The following ZBTB20 variants were observed in gnomAD, a reference collection of about 807,000 sequenced individuals.
ZBTB20 encodes zinc finger and BTB domain-containing protein 20.
A neutral mutation model predicts 56.9 loss-of-function variants in ZBTB20; 9 were observed. The ratio of observed to expected loss-of-function variants is 0.16; its 90% CI spans 0.10 to 0.28. ZBTB20 has a LOEUF of 0.28. ZBTB20 is among the 10% of genes least tolerant of loss of function. The pLI, the probability that ZBTB20 is intolerant of heterozygous loss-of-function variation, is 1.00. For missense variants in ZBTB20, 655 were observed against 1,003.0 expected, an observed-to-expected ratio of 0.65 and a Z score of 4.69; for synonymous variants, 417 against 420.7, an observed-to-expected ratio of 0.99 and a Z score of 0.11.
At chr3:114,763,421 T>C (rs1012969847) in intron 5 of ZBTB20, among the ~76,000 whole-genome samples, 2 of 152,194 alleles carry the variant, frequency 1.3e-5, no homozygotes, top group Non-Finnish European at 1.5e-5. Flanking sequence ...AGTTTACTTT[T>C]TATCTATGAT....
At chr3:115,110,547 G>A (rs1428681637) in intron 1 of ZBTB20, among the ~76,000 whole-genome samples, 6 of 152,072 alleles carry the variant, frequency 3.9e-5, no homozygotes, top group Non-Finnish European at 8.8e-5. Context: ...ATGTATGTCC[G>A]ATATGTTTGG....
At chr3:114,758,471 T>C (rs1375486066) in intron 5 of ZBTB20, among the ~76,000 whole-genome samples, 1 of 152,148 alleles carries the variant, frequency 6.6e-6, no homozygotes, top group Non-Finnish European at 1.5e-5. Context: ...TTGGTCCTAA[T>C]GAAAACAGTG....
chr3:114,664,065 T>A (rs2060906025), intron 6 of ZBTB20, among the ~76,000 whole-genome samples: 1 of 152,096 alleles, frequency 6.6e-6, no homozygotes, highest in African/African-American at 2.4e-5. Context: ...AGTAATTTAG[T>A]GATTTCAGAG....
chr3:114,404,407 A>C (rs2087104558), intron 7 of ZBTB20, among the ~76,000 whole-genome samples: 1 of 152,164 alleles, frequency 6.6e-6, no homozygotes, highest in East Asian at 1.9e-4. Context: ...AACAAAAACA[A>C]ACAAATAAAA....
intron 6 of ZBTB20, among the ~76,000 whole-genome samples, chr3:114,608,921 A>C (rs946835681): frequency 6.6e-6 from 1 of 152,226 alleles, no homozygotes; most frequent in African/African-American, 2.4e-5. Context: ...TGATTTTTAA[A>C]AAGTAAACCA....
intron 2 of ZBTB20, among the ~76,000 whole-genome samples, chr3:115,052,422 A>C (rs2081587916): frequency 1.3e-5 from 2 of 152,008 alleles, no homozygotes; most frequent in African/African-American, 2.4e-5. Context: ...GCACCGGTGC[A>C]CTCCAACCTA....
At position 114,320,737 on chromosome 3, in the gene ZBTB20, G is replaced by A. The variant is rs2078865772; in HGVS notation, c.*18268C>T. Reference sequence around the variant, plus strand: ...TAATAAAAAGATATTTCATTAACAGGTTGGTACTGCATCCATGTGGGGACA... The same window carrying A: ...TAATAAAAAGATATTTCATTAACAGATTGGTACTGCATCCATGTGGGGACA... On this transcript the variant is annotated 3_prime_UTR_variant, in exon 12 of 12. Coordinates refer to ENST00000675478, the MANE Select transcript of ZBTB20 (RefSeq NM_001348800.3). 1 of 151,946 alleles carries A rather than the reference G, an allele frequency of 6.6e-6. No individual in the cohort carries two copies. Among genetic ancestry groups the A allele is most frequent in the African/African-American group, 2.4e-5 (1 of 41,360 alleles). The allele number at this position is 151,946 out of a possible 1,614,324, so 9.4% of individuals were successfully genotyped here. A position where few individuals can be genotyped will look rare whatever the true frequency, so the allele number is the denominator to read the frequency against.
At chr3:114,557,543 T>C (rs2051401091) in intron 6 of ZBTB20, among the ~76,000 whole-genome samples, 1 of 151,970 alleles carries the variant, frequency 6.6e-6, no homozygotes, top group Non-Finnish European at 1.5e-5. Context: ...CCTGGAAATA[T>C]AATTTGCAAG....
At chr3:114,358,283 G>A (rs551110819) in intron 10 of ZBTB20, among the ~76,000 whole-genome samples, 9 of 152,068 alleles carry the variant, frequency 5.9e-5, no homozygotes, top group South Asian at 2.1e-4. Context: ...GTCATACCAC[G>A]AAGTTTTACT....
intron 7 of ZBTB20, among the ~76,000 whole-genome samples, chr3:114,414,407 T>G (rs1231845905): frequency 6.6e-6 from 1 of 152,108 alleles, no homozygotes; most frequent in South Asian, 2.1e-4. Flanking sequence ...GAAGAAACAT[T>G]AGAGAAGAAT....
intron 4 of ZBTB20, among the ~76,000 whole-genome samples, chr3:114,884,146 C>T (rs2076514493): frequency 6.6e-6 from 1 of 150,650 alleles, no homozygotes; most frequent in Non-Finnish European, 1.5e-5. Flanking sequence ...GGGATGGTGT[C>T]GATCTCCTGA....
Position 114,339,575 on chromosome 3 carries a change from G to GA in ZBTB20, c.1805-150dup, listed in dbSNP as rs1343208607. On this transcript the variant is annotated intron_variant, in intron 11 of 11. Transcript: ENST00000675478. The surrounding 1 kb of genome is among the most constrained non-coding windows in gnomAD (Gnocchi z 4.2). ...TTGCTTAATGGATCATCCTCGTTTG[G>GA]AAAAATCCAGGCCCTCCTAGCCTCT... 1.5e-5 allele frequency: 15 copies of GA among 1,011,920 alleles called. No homozygotes were observed. Among genetic ancestry groups the GA allele is most frequent in the Non-Finnish European group, 2.0e-5 (14 of 717,202 alleles). 62.7% of individuals were successfully genotyped at this position (1,011,920 alleles called of 1,614,324 possible).
intron 6 of ZBTB20, among the ~76,000 whole-genome samples, chr3:114,566,751 C>A (rs1027771092): frequency 2.6e-5 from 4 of 152,186 alleles, no homozygotes; most frequent in Non-Finnish European, 5.9e-5. Flanking sequence ...CCTCTAAATA[C>A]AGTTGACAGC....
chr3:114,402,843 C>T (rs2086943945), intron 7 of ZBTB20, among the ~76,000 whole-genome samples: 1 of 152,150 alleles, frequency 6.6e-6, no homozygotes, highest in Non-Finnish European at 1.5e-5. Context: ...AGGTTTGCCT[C>T]TTCTCTTTGC....
intron 3 of ZBTB20, among the ~76,000 whole-genome samples, chr3:114,943,207 G>A (rs2076776289): frequency 6.9e-6 from 1 of 145,478 alleles, no homozygotes; most frequent in South Asian, 2.1e-4. Context: ...CCATCACAAA[G>A]ATGGAAACCC....
chr3:114,703,349 T>G (rs1389180677), intron 5 of ZBTB20, among the ~76,000 whole-genome samples: 3 of 152,162 alleles, frequency 2.0e-5, no homozygotes, highest in Non-Finnish European at 4.4e-5. Flanking sequence ...TTTGGCAGTT[T>G]TGTGGTACTG....
At chr3:114,519,109 C>T (rs1158335183) in intron 6 of ZBTB20, 1 of 152,182 alleles carries the variant, frequency 6.6e-6, no homozygotes, top group Admixed American at 6.5e-5. Flanking sequence ...CCCTTCAAGA[C>T]CTAATAGAAC....
At chr3:115,080,620 T>C (rs1162686569) in intron 1 of ZBTB20, among the ~76,000 whole-genome samples, 1 of 151,856 alleles carries the variant, frequency 6.6e-6, no homozygotes, top group Non-Finnish European at 1.5e-5. Flanking sequence ...AAAAGGAAAA[T>C]TAGAACATTT....
At chr3:114,980,974 T>C (rs1440991474) in intron 2 of ZBTB20, among the ~76,000 whole-genome samples, 2 of 152,010 alleles carry the variant, frequency 1.3e-5, no homozygotes, top group African/African-American at 4.8e-5. Flanking sequence ...TCTGCTTTAG[T>C]AAATAGGGAA....
Sources: gnomAD v4.1 joint callset for allele counts (sites outside exome capture counted in the v4.1 genomes callset) on GRCh38, gnomAD v4.1.1 for gene constraint, Gnocchi (gnomAD v3.1) non-coding constraint, MANE v1.5 for transcripts, NCBI Gene and HGNC (gene_info 2026-07-23, HGNC 2026-07-21) for gene names.